Variants in RORA observed in about 807,000 individuals in gnomAD.
RORA encodes the protein nuclear receptor ROR-alpha.
Under a neutral mutation model 69.5 loss-of-function variants are expected in RORA, and 7 were observed. That is an observed-to-expected ratio of 0.10 (90% CI 0.06 to 0.19). The LOEUF is 0.19. Ranked by LOEUF, RORA falls within the 10% of genes least tolerant of loss-of-function variation. The probability of loss-of-function intolerance (pLI) is 1.00; values close to 1 mark genes in which losing one functional copy is unlikely to be tolerated. For missense variants in RORA, 457 were observed against 663.0 expected (o/e 0.69, Z 3.41); for synonymous variants, 261 against 240.8 (o/e 1.08, Z -0.78).
chr15:60,748,695 C>T (rs1235796930), intron 1 of RORA, among the ~76,000 whole-genome samples: 1 of 152,060 alleles, frequency 6.6e-6, no homozygotes, highest in African/African-American at 2.4e-5. Flanking sequence ...TCTTTGAATC[C>T]CACTCTTACC....
At chr15:61,031,928 C>A in intron 1 of RORA, among the ~76,000 whole-genome samples, 1 of 152,184 alleles carries the variant, frequency 6.6e-6, no homozygotes, top group East Asian at 1.9e-4. Flanking sequence ...TACTTCTCTT[C>A]TGAAGAGTTG....
At chr15:61,168,205 C>T (rs912603884) in intron 1 of RORA, among the ~76,000 whole-genome samples, 49 of 148,592 alleles carry the variant, frequency 3.3e-4, no homozygotes, top group African/African-American at 9.5e-4. Context: ...TATACACGCG[C>T]GTGCGTGCGT....
At chr15:60,780,478 G>A (rs888309535) in intron 1 of RORA, among the ~76,000 whole-genome samples, 2 of 152,134 alleles carry the variant, frequency 1.3e-5, no homozygotes, top group African/African-American at 4.8e-5. Context: ...GCTTCTCCTC[G>A]CCTAATAGCT....
Position 60,534,395 on chromosome 15 carries a change from CT to C in RORA, c.197-2545del, listed in dbSNP as rs1207709951. On this transcript the variant is annotated intron_variant, in intron 2 of 10. Transcript: ENST00000335670. The surrounding 1 kb of genome is among the most constrained non-coding windows in gnomAD (Gnocchi z 5.0). ...CTTCAGCTTGCAGGGGTTTTCAGAT[CT>C]GGAGGATATTTGAGCGGAGACAGTC... is the stretch of plus-strand genomic sequence containing the variant. Among the ~76,000 whole-genome samples, 1 of 152,092 alleles carries C rather than the reference CT, an allele frequency of 6.6e-6. No individual in the cohort carries two copies. The highest frequency in any genetic ancestry group is 1.5e-5 in the Non-Finnish European group (1 of 68,030).
At chr15:60,562,013 G>A (rs767709058) in intron 2 of RORA, among the ~76,000 whole-genome samples, 2 of 151,650 alleles carry the variant, frequency 1.3e-5, no homozygotes, top group African/African-American at 2.4e-5. Context: ...GCGCGATCTC[G>A]GATCACCGCA....
At position 61,229,136 on chromosome 15, in the gene RORA, T is replaced by C. The variant is rs1217012259; in HGVS notation, c.83A>G (p.Glu28Gly). 6.5e-7 allele frequency: 1 copy of C among 1,542,262 alleles called. No homozygotes were observed. The highest frequency in any genetic ancestry group is 1.4e-5 in the African/African-American group (1 of 71,892). Reference protein sequence around the residue: ...SGADAAAGSRETPLNQESARK... With the variant: ...SGADAAAGSRGTPLNQESARK... The stretch of plus-strand genomic sequence containing the variant: ...GGCGGATTCCTGGTTCAGCGGGGTC[T>C]CCCTGGAGCCGGCGGCCGCGTCCGC... Residue 28 changes from glutamate to glycine, a missense_variant, in exon 1 of 11, where the codon GAG becomes GGG. Glu to Gly is a moderately conservative substitution (Grantham distance 98). Transcript: ENST00000335670.
At chr15:60,984,539 TACAA>T (rs1894139913) in intron 1 of RORA, among the ~76,000 whole-genome samples, 1 of 152,028 alleles carries the variant, frequency 6.6e-6, no homozygotes, top group African/African-American at 2.4e-5. Context: ...ATCTAATGTC[TACAA>T]ACAATTTACA....
At chr15:60,707,368 T>TTA (rs908037996) in intron 1 of RORA, among the ~76,000 whole-genome samples, 1 of 150,582 alleles carries the variant, frequency 6.6e-6, no homozygotes, top group African/African-American at 2.4e-5. Flanking sequence ...ATTTATTTAT[T>TTA]TATTTATTTA....
chr15:60,745,465 T>C (rs931883964), intron 1 of RORA, among the ~76,000 whole-genome samples: 10 of 152,254 alleles, frequency 6.6e-5, no homozygotes, highest in African/African-American at 2.4e-4. Flanking sequence ...ATTCTGTCTC[T>C]GGTCTGAGGC....
At chr15:60,998,960 G>C (rs1894658843) in intron 1 of RORA, among the ~76,000 whole-genome samples, 1 of 152,168 alleles carries the variant, frequency 6.6e-6, no homozygotes, top group African/African-American at 2.4e-5. Context: ...GTCTCTTTGG[G>C]AGAGGTTGAA....
rs145586910 is a variant in RORA, at chr15:60,549,347, G to GTT, written c.197-17498_197-17497dup. 7.4e-3 allele frequency among the ~76,000 whole-genome samples: 1,128 copies of GTT among 152,304 alleles called. 13 individuals carry two copies. The highest frequency in any genetic ancestry group is 0.026 in the African/African-American group (1,072 of 41,560). ...ACTATATCACCAGGGCATATTTGTT[G>GTT]TTGTTATTTTTCCTCCCCCATTCAT... is the stretch of plus-strand genomic sequence containing the variant. On this transcript the variant is annotated intron_variant, in intron 2 of 10. Coordinates refer to ENST00000335670, the MANE Select transcript of RORA (RefSeq NM_134261.3).
intron 1 of RORA, among the ~76,000 whole-genome samples, chr15:61,037,821 C>G (rs116877617): frequency 5.9e-5 from 9 of 152,044 alleles, no homozygotes; most frequent in Non-Finnish European, 1.2e-4. Context: ...GAAGGCCATG[C>G]GAACACAGAG....
chr15:61,052,231 G>A (rs2078024740), intron 1 of RORA, among the ~76,000 whole-genome samples: 2 of 152,200 alleles, frequency 1.3e-5, no homozygotes, highest in Admixed American at 1.3e-4. Context: ...AGCAGTGGAG[G>A]GAAAGGCCTT....
Position 60,629,187 on chromosome 15 carries a change from C to CTTTTT in RORA, c.196+49465_196+49469dup, listed in dbSNP as rs34687322. Among the ~76,000 whole-genome samples the CTTTTT allele has an allele frequency of 1.1e-3, 121 of 112,018 alleles. 7 individuals carry two copies. Among genetic ancestry groups the CTTTTT allele is most frequent in the African/African-American group, 4.1e-3 (112 of 26,988 alleles). The allele number at this position is 112,018 out of a possible 152,430, so 73.5% of individuals were successfully genotyped here. A position where few individuals can be genotyped will look rare whatever the true frequency, so the allele number is the denominator to read the frequency against. On this transcript the variant is annotated intron_variant, in intron 2 of 10. Transcript: ENST00000335670. ...TGTTTATAAGGATTGACTGTTTATT[C>CTTTTT]TTTTTTTTTTTTTTTTTTGAAACAG...
At chr15:61,206,245 A>G (rs1315260687) in intron 1 of RORA, among the ~76,000 whole-genome samples, 1 of 152,176 alleles carries the variant, frequency 6.6e-6, no homozygotes, top group Non-Finnish European at 1.5e-5. Context: ...ATTATTGCAG[A>G]AGGAAGGGAG....
chr15:60,711,189 A>G (rs1317716564), intron 1 of RORA, among the ~76,000 whole-genome samples: 1 of 152,062 alleles, frequency 6.6e-6, no homozygotes, highest in Non-Finnish European at 1.5e-5. Flanking sequence ...CTCCCAACAC[A>G]GTCTCCGTGC....
intron 1 of RORA, among the ~76,000 whole-genome samples, chr15:60,964,694 A>G (rs1322905245): frequency 6.6e-6 from 1 of 152,208 alleles, no homozygotes; most frequent in Non-Finnish European, 1.5e-5. Flanking sequence ...CTGTGGCCTG[A>G]GCAGTTGCCA....
At chr15:60,500,062 C>A in intron 9 of RORA, 58 bp from the exon 10 acceptor site, 1 of 1,063,714 alleles carries the variant, frequency 9.4e-7, no homozygotes, top group South Asian at 1.4e-5. Context: ...CAGGATCCTT[C>A]TTCTCCGGAT....
chr15:60,943,025 T>A (rs935592868), intron 1 of RORA, among the ~76,000 whole-genome samples: 3 of 152,246 alleles, frequency 2.0e-5, no homozygotes, highest in African/African-American at 7.2e-5. Context: ...TAGCATGAAC[T>A]CTCCTTTGTA....
Sources: gnomAD v4.1 joint callset for allele counts (sites outside exome capture counted in the v4.1 genomes callset) on GRCh38, gnomAD v4.1.1 for gene constraint, Gnocchi (gnomAD v3.1) non-coding constraint, MANE v1.5 for transcripts, NCBI Gene and HGNC (gene_info 2026-07-23, HGNC 2026-07-21) for gene names.